The following AMMECR1 variants were observed in gnomAD, a reference collection of about 807,000 sequenced individuals.
AMMECR1 encodes nuclear protein AMMECR1.
In AMMECR1, 3 loss-of-function variants were observed where a neutral mutation model predicts 22.5. That is an observed-to-expected ratio of 0.13 (90% confidence interval 0.06 to 0.35). The LOEUF (loss-of-function observed/expected upper bound fraction) is 0.35. Among genes scored for constraint, AMMECR1 ranks in the 10% least tolerant of loss-of-function variants. The pLI, the probability that AMMECR1 is intolerant of heterozygous loss-of-function variation, is 1.00. For synonymous variants in AMMECR1, 130 were observed against 116.7 expected (o/e 1.11, Z -0.74); for missense variants, 235 against 278.7 (o/e 0.84, Z 1.12).
intron 2 of AMMECR1, among the ~76,000 whole-genome samples, chrX:110,370,115 G>C (rs1339878492): frequency 8.9e-6 from 1 of 111,939 alleles, no homozygotes; most frequent in East Asian, 2.8e-4. Context: ...CTGGTACATA[G>C]AGGACATACA....
chrX:110,283,765 G>A (rs1387955464), intron 1 of AMMECR1, among the ~76,000 whole-genome samples: 1 of 112,050 alleles, frequency 8.9e-6, no homozygotes, highest in Non-Finnish European at 1.9e-5. Context: ...TATTCATACC[G>A]TAGCACCTGG....
Position 110,318,020 on chromosome X carries a change from G to A in AMMECR1, c.52C>T (p.Pro18Ser), listed in dbSNP as rs2068060883. 4 of 1,206,190 alleles carry A rather than the reference G, an allele frequency of 3.3e-6. No individual in the cohort carries two copies. The highest frequency in any genetic ancestry group is 4.5e-6 in the Non-Finnish European group (4 of 893,638). Residue 18 changes from proline (P) to serine (S), a missense_variant, in exon 1 of 6, where the codon CCC (proline) becomes TCC (serine). Around this residue, in one of 2 missense-constraint regions of AMMECR1, gnomAD observed 124 missense variants for 97.0 expected, o/e 1.28. Transcript: ENST00000262844. ...VKKQKLSSSPPSGSGGGGGAS... is the reference protein window; with the variant it reads ...VKKQKLSSSPSSGSGGGGGAS... ...CCACCACCGCCACCCGAGCCAGAGG[G>A]GGGCGAACTGGACAGTTTCTGCTTC...
chrX:110,368,345 T>C (rs1312857967), intron 2 of AMMECR1, among the ~76,000 whole-genome samples: 1 of 111,265 alleles, frequency 9.0e-6, no homozygotes, highest in Non-Finnish European at 1.9e-5. Context: ...TTCTACATGA[T>C]CTACCTTCAT....
chrX:110,322,263 T>C (rs1457486761), upstream of AMMECR1, among the ~76,000 whole-genome samples: 1 of 112,135 alleles, frequency 8.9e-6, no homozygotes, highest in Admixed American at 9.4e-5. Flanking sequence ...AGCTAGCTAG[T>C]TGTAGATTGG....
intron 2 of AMMECR1, among the ~76,000 whole-genome samples, chrX:110,223,185 G>A (rs2067513299): frequency 8.9e-6 from 1 of 112,265 alleles, no homozygotes; most frequent in Admixed American, 9.4e-5. Flanking sequence ...CTAAATGTTT[G>A]TATATACAGA....
chrX:110,406,827 CTGAT>C (rs2068605819), intron 2 of AMMECR1, among the ~76,000 whole-genome samples: 1 of 112,171 alleles, frequency 8.9e-6, no homozygotes, highest in Non-Finnish European at 1.9e-5. Flanking sequence ...TAAATATTGA[CTGAT>C]TGATGAATGT....
At chrX:110,415,619 T>C (rs1442928311) in intron 2 of AMMECR1, among the ~76,000 whole-genome samples, 1 of 111,103 alleles carries the variant, frequency 9.0e-6, no homozygotes, top group Non-Finnish European at 1.9e-5. Context: ...CTGACTCAGG[T>C]TTGCATGGTC....
At chrX:110,435,553 T>C (rs1008036653) in intron 1 of AMMECR1, among the ~76,000 whole-genome samples, 3 of 112,131 alleles carry the variant, frequency 2.7e-5, no homozygotes, top group African/African-American at 9.7e-5. Flanking sequence ...AAGTTAGGCA[T>C]GAGAGTTTTA....
At chrX:110,243,977 C>T (rs1015551039) in intron 2 of AMMECR1, among the ~76,000 whole-genome samples, 1 of 111,691 alleles carries the variant, frequency 9.0e-6, no homozygotes, top group Non-Finnish European at 1.9e-5. Flanking sequence ...ATTACTTTCA[C>T]ATTAAAAATG....
intron 3 of AMMECR1, among the ~76,000 whole-genome samples, chrX:110,204,186 G>A (rs2067410635): frequency 9.0e-6 from 1 of 111,290 alleles, no homozygotes; most frequent in Non-Finnish European, 1.9e-5. Context: ...CAGTAGCTTT[G>A]AATTTTTTTT....
At chrX:110,369,751 T>C (rs1195210917) in intron 2 of AMMECR1, among the ~76,000 whole-genome samples, 1 of 112,286 alleles carries the variant, frequency 8.9e-6, no homozygotes, top group Non-Finnish European at 1.9e-5. Flanking sequence ...ATAATTCATT[T>C]TTAAACTGTA....
intron 3 of AMMECR1, among the ~76,000 whole-genome samples, chrX:110,215,590 A>T (rs907329996): frequency 8.9e-6 from 1 of 112,192 alleles, no homozygotes; most frequent in Admixed American, 9.5e-5. Flanking sequence ...AATGCCATTT[A>T]TGAGTGTATG....
At chrX:110,387,494 G>C (rs2068463779) in intron 2 of AMMECR1, among the ~76,000 whole-genome samples, 1 of 112,423 alleles carries the variant, frequency 8.9e-6, no homozygotes, top group Non-Finnish European at 1.9e-5. Context: ...GCTTGCACAT[G>C]CAGAATTCAG....
chrX:110,357,343 CT>C (rs1158860431), intron 2 of AMMECR1, among the ~76,000 whole-genome samples: 2 of 111,399 alleles, frequency 1.8e-5, no homozygotes, highest in Admixed American at 9.5e-5. Flanking sequence ...TAAATTGTGC[CT>C]TTTTACACTT....
intron 1 of AMMECR1, among the ~76,000 whole-genome samples, chrX:110,278,126 T>G (rs2067835480): frequency 8.9e-6 from 1 of 111,933 alleles, no homozygotes; most frequent in South Asian, 3.7e-4. Context: ...GTACAAATCT[T>G]GTAATAACAA....
intron 2 of AMMECR1, among the ~76,000 whole-genome samples, chrX:110,373,719 T>C (rs900495739): frequency 1.2e-4 from 13 of 112,044 alleles, no homozygotes; most frequent in African/African-American, 4.2e-4. Flanking sequence ...AAATGTTGTA[T>C]GTTTGAAGGT....
chrX:110,235,874 G>C (rs2067597976), intron 2 of AMMECR1, among the ~76,000 whole-genome samples: 1 of 111,264 alleles, frequency 9.0e-6, no homozygotes, highest in South Asian at 3.8e-4. Context: ...ATGATGAGTT[G>C]ATGGTGCAGC....
intron 1 of AMMECR1, among the ~76,000 whole-genome samples, chrX:110,434,969 C>G (rs1386315391): frequency 1.8e-5 from 2 of 108,425 alleles, no homozygotes; most frequent in Non-Finnish European, 3.8e-5. Context: ...TCATCCCTTT[C>G]CCCTCATGAT....
intron 2 of AMMECR1, among the ~76,000 whole-genome samples, chrX:110,417,035 C>T (rs778645515): frequency 1.1e-4 from 12 of 112,649 alleles, no homozygotes; most frequent in Non-Finnish European, 2.1e-4. Context: ...TGGACTGTCA[C>T]TACTTTTCAT....
Sources: gnomAD v4.1 joint callset for allele counts (sites outside exome capture counted in the v4.1 genomes callset) on GRCh38, gnomAD v4.1.1 for gene constraint, gnomAD v4.1.1 regional missense constraint, MANE v1.5 for transcripts, NCBI Gene and HGNC (gene_info 2026-07-23, HGNC 2026-07-21) for gene names.